The following ALK variants were observed in gnomAD, a reference collection of about 807,000 sequenced individuals.
The protein encoded by ALK is ALK receptor tyrosine kinase.
A neutral mutation model predicts 163.1 loss-of-function variants in ALK; 74 were observed. The observed-to-expected ratio is 0.45, with a 90% CI of 0.38 to 0.55. ALK has a LOEUF of 0.55. Ranked by LOEUF, ALK falls within the 20% of genes least tolerant of loss-of-function variation. The pLI is 0.00. For missense variants in ALK, 2,063 were observed against 2,105.3 expected, an observed-to-expected ratio of 0.98 and a Z score of 0.39; for synonymous variants, 960 against 843.2, an observed-to-expected ratio of 1.14 and a Z score of -2.40.
chr2:29,765,846 T>A (rs986703715), intron 1 of ALK, among the ~76,000 whole-genome samples: 1 of 152,226 alleles, frequency 6.6e-6, no homozygotes, highest in South Asian at 2.1e-4. Context: ...ATTTCCATAA[T>A]AAATACTTCC....
chr2:29,322,765 TG>T (rs1463039911), intron 6 of ALK, among the ~76,000 whole-genome samples: 6 of 151,970 alleles, frequency 3.9e-5, no homozygotes. Context: ...ACCCAGGAGG[TG>T]GAAGTTGCAG....
intron 1 of ALK, among the ~76,000 whole-genome samples, chr2:29,838,767 G>C (rs780945408): frequency 6.6e-5 from 10 of 152,170 alleles, no homozygotes; most frequent in Non-Finnish European, 1.2e-4. Context: ...CTGTAGAGGA[G>C]ATTACTGGCA....
chr2:29,678,142 G>A (rs1424421754), intron 3 of ALK, among the ~76,000 whole-genome samples: 1 of 151,920 alleles, frequency 6.6e-6, no homozygotes, highest in Non-Finnish European at 1.5e-5. Context: ...AGGGTCAAGA[G>A]TGATGGTCCC....
intron 1 of ALK, among the ~76,000 whole-genome samples, chr2:29,841,745 T>A (rs563176622): frequency 6.6e-6 from 1 of 152,294 alleles, no homozygotes; most frequent in East Asian, 1.9e-4. Context: ...TGAAATAAAC[T>A]TCCATTTCTT....
chr2:29,283,252 C>A (rs997570242), intron 9 of ALK, among the ~76,000 whole-genome samples: 5 of 152,210 alleles, frequency 3.3e-5, no homozygotes, highest in African/African-American at 1.2e-4. Context: ...TCTTGCAGAA[C>A]CATCCAACTT....
chr2:29,500,470 A>T (rs1672143240), intron 4 of ALK, among the ~76,000 whole-genome samples: 1 of 152,168 alleles, frequency 6.6e-6, no homozygotes, highest in Non-Finnish European at 1.5e-5. Flanking sequence ...CAGAACCATG[A>T]CCTAATTAAA....
chr2:29,330,781 G>A (rs988074491), intron 5 of ALK, among the ~76,000 whole-genome samples: 7 of 152,238 alleles, frequency 4.6e-5, no homozygotes, highest in Admixed American at 2.0e-4. Flanking sequence ...GGAAGCAAGC[G>A]TTTGGAGTAG....
chr2:29,761,488 G>A (rs1040457084), intron 1 of ALK, among the ~76,000 whole-genome samples: 1 of 152,200 alleles, frequency 6.6e-6, no homozygotes, highest in Non-Finnish European at 1.5e-5. Flanking sequence ...TGACCTCGGG[G>A]AGTGTCAGAG....
intron 3 of ALK, among the ~76,000 whole-genome samples, chr2:29,626,404 A>G (rs1174406496): frequency 6.6e-6 from 1 of 152,126 alleles, no homozygotes; most frequent in African/African-American, 2.4e-5. Flanking sequence ...CCCCTGCACA[A>G]GCTCTCTTGC....
intron 4 of ALK, among the ~76,000 whole-genome samples, chr2:29,517,479 G>A (rs944619428): frequency 2.0e-5 from 3 of 152,118 alleles, no homozygotes; most frequent in Admixed American, 1.3e-4. Flanking sequence ...CTATGAGGAC[G>A]TCCAGATTTC....
At chr2:29,899,834 A>G (rs987830509) in intron 1 of ALK, 1 of 152,494 alleles carries the variant, frequency 6.6e-6, no homozygotes, top group Admixed American at 6.5e-5. Flanking sequence ...TCAAAAAAAA[A>G]AAAGAAAAAA....
At chr2:29,379,703 AAAG>A (rs754723663) in intron 5 of ALK, among the ~76,000 whole-genome samples, 8 of 152,218 alleles carry the variant, frequency 5.3e-5, no homozygotes, top group Non-Finnish European at 1.0e-4. Flanking sequence ...AAGCGCCACA[AAAG>A]AAGGAGTAAT....
intron 5 of ALK, among the ~76,000 whole-genome samples, chr2:29,349,730 T>C (rs908090157): frequency 6.6e-6 from 1 of 152,182 alleles, no homozygotes; most frequent in Non-Finnish European, 1.5e-5. Context: ...GCAGGAGCTA[T>C]GTCTGTCAGC....
At chr2:29,778,053 C>T (rs1681227429) in intron 1 of ALK, among the ~76,000 whole-genome samples, 1 of 152,220 alleles carries the variant, frequency 6.6e-6, no homozygotes, top group Non-Finnish European at 1.5e-5. Context: ...GCTGAGGAAG[C>T]TTACAAACAC....
intron 1 of ALK, among the ~76,000 whole-genome samples, chr2:29,756,849 C>T (rs1680549052): frequency 6.6e-6 from 1 of 152,164 alleles, no homozygotes; most frequent in Non-Finnish European, 1.5e-5. Flanking sequence ...AAATATGTGC[C>T]AGTCACTGTG....
chr2:29,545,203 C>G (rs756972821), intron 3 of ALK, among the ~76,000 whole-genome samples: 19 of 152,336 alleles, frequency 1.2e-4, no homozygotes, highest in Non-Finnish European at 1.8e-4. Context: ...GGGACCCAGA[C>G]AGTGGGTCCT....
At chr2:29,629,767 G>A (rs1676303524) in intron 3 of ALK, among the ~76,000 whole-genome samples, 1 of 152,028 alleles carries the variant, frequency 6.6e-6, no homozygotes, top group South Asian at 2.1e-4. Context: ...ACCCTCTGAG[G>A]TACAGACAGT....
At chr2:29,537,664 G>C (rs540098104) in intron 3 of ALK, among the ~76,000 whole-genome samples, 2 of 152,310 alleles carry the variant, frequency 1.3e-5, no homozygotes, top group South Asian at 4.1e-4. Flanking sequence ...GTGGGAAGGG[G>C]GCTGCTGCCT....
intron 3 of ALK, among the ~76,000 whole-genome samples, chr2:29,610,983 TTGTTGCC>T (rs1374675935): frequency 4.6e-5 from 7 of 152,180 alleles, no homozygotes; most frequent in Admixed American, 2.6e-4. Context: ...CAGATCCCCT[TTGTTGCC>T]TACTTCTCAG....
Sources: allele counts gnomAD v4.1 joint callset (sites outside exome capture counted in the v4.1 genomes callset), GRCh38; gene constraint gnomAD v4.1.1; transcripts MANE v1.5; gene names NCBI Gene and HGNC (gene_info 2026-07-23, HGNC 2026-07-21).